The following SCAI variants were observed in gnomAD, a reference collection of about 807,000 sequenced individuals.
SCAI encodes suppressor of cancer cell invasion, also known as protein SCAI.
SCAI carries 24 observed loss-of-function variants against 92.2 expected under a neutral mutation model. The ratio of observed to expected loss-of-function variants is 0.26; its 90% CI spans 0.19 to 0.37. SCAI has a LOEUF of 0.37. Among genes scored for constraint, SCAI ranks in the 10% least tolerant of loss-of-function variants. SCAI has a pLI of 1.00. For synonymous variants in SCAI, 261 were observed against 258.6 expected, an observed-to-expected ratio of 1.01 and a Z score of -0.09; for missense variants, 450 against 736.2, an observed-to-expected ratio of 0.61 and a Z score of 4.50.
chr9:125,130,540 A>T (rs1340921450), intron 2 of SCAI, among the ~76,000 whole-genome samples: 1 of 151,896 alleles, frequency 6.6e-6, no homozygotes, highest in South Asian at 2.1e-4. Flanking sequence ...TTTGAGATGG[A>T]GTCTGGCTCT....
At chr9:125,054,161 G>C (rs1833617996) in intron 3 of SCAI, among the ~76,000 whole-genome samples, 1 of 152,082 alleles carries the variant, frequency 6.6e-6, no homozygotes, top group African/African-American at 2.4e-5. Context: ...GTTTTGTAGA[G>C]ACGAGGTTTC....
At chr9:125,128,731 C>T (rs1481242881) in intron 2 of SCAI, among the ~76,000 whole-genome samples, 1 of 149,804 alleles carries the variant, frequency 6.7e-6, no homozygotes, top group African/African-American at 2.5e-5. Flanking sequence ...CCAGCCTGGG[C>T]GACAGAGCGA....
chr9:124,997,581 G>C (rs1361724792), intron 13 of SCAI, among the ~76,000 whole-genome samples: 1 of 151,978 alleles, frequency 6.6e-6, no homozygotes, highest in East Asian at 1.9e-4. Flanking sequence ...GTTATGCTTA[G>C]AAAAAGAATG....
At chr9:124,997,549 T>A (rs547974459) in intron 13 of SCAI, among the ~76,000 whole-genome samples, 1 of 152,226 alleles carries the variant, frequency 6.6e-6, no homozygotes, top group Non-Finnish European at 1.5e-5. Context: ...AATGAGCCAA[T>A]AACAGCCCAA....
At chr9:125,140,421 G>A (rs950489129) in intron 2 of SCAI, among the ~76,000 whole-genome samples, 7 of 151,958 alleles carry the variant, frequency 4.6e-5, no homozygotes, top group Admixed American at 1.3e-4. Context: ...CCAGCTAATC[G>A]GGAGGCTGAG....
chr9:125,121,538 A>T (rs565205940), intron 2 of SCAI, among the ~76,000 whole-genome samples: 5 of 152,124 alleles, frequency 3.3e-5, no homozygotes, highest in African/African-American at 1.2e-4. Flanking sequence ...ATTTTCAAAC[A>T]TAAGAACCTT....
chr9:125,018,949 C>T lies in SCAI; in HGVS notation c.711G>A (p.Ala237=), dbSNP rs371090280. ...VLQEVAAFIE[A]DPVMVLNDDN... ...CATCATTTAATACCATTACAGGATC[C>T]GCCTAAAGAAAAAAGCAATAAGAAC... The change falls in exon 9 of 18, where the codon GCG becomes GCA. Residue 237 remains alanine, a splice_region_variant and synonymous_variant. Coordinates refer to ENST00000336505, the MANE Select transcript of SCAI (RefSeq NM_001144877.3). The T allele has an allele frequency of 9.3e-6, 15 of 1,609,440 alleles. No homozygotes were observed. Among genetic ancestry groups the T allele is most frequent in the East Asian group, 4.5e-5 (2 of 44,820 alleles).
At position 124,994,993 on chromosome 9, in the gene SCAI, G is replaced by C; in HGVS notation, c.1267C>G (p.Pro423Ala). The change falls in exon 14 of 18, where the codon CCT becomes GCT. Residue 423 changes from proline to alanine, a missense_variant. Around this residue, in one of 3 missense-constraint regions of SCAI, gnomAD observed 360 missense variants for 601.8 expected, o/e 0.60. Coordinates refer to ENST00000336505, the MANE Select transcript of SCAI (RefSeq NM_001144877.3). ...ATGAACAGTGGCTTCCTGGTGAAAGGATAGAGATCCCCGGGATGAAGGCTG... is the reference window on the plus strand; with the variant it reads ...ATGAACAGTGGCTTCCTGGTGAAAGCATAGAGATCCCCGGGATGAAGGCTG... ...MHCLHPGDLY[P>A]FTRKPLFIIV... 6.2e-7 allele frequency: 1 copy of C among 1,612,162 alleles called. No individual in the cohort carries two copies. Among genetic ancestry groups the C allele is most frequent in the Non-Finnish European group, 8.5e-7 (1 of 1,179,190 alleles).
At chr9:125,116,641 A>C (rs1423587974) in intron 2 of SCAI, among the ~76,000 whole-genome samples, 1 of 152,084 alleles carries the variant, frequency 6.6e-6, no homozygotes, top group South Asian at 2.1e-4. Flanking sequence ...GACAAAACCC[A>C]CCAATAATAT....
At chr9:125,118,861 C>T (rs913981919) in intron 2 of SCAI, among the ~76,000 whole-genome samples, 4 of 152,150 alleles carry the variant, frequency 2.6e-5, no homozygotes, top group African/African-American at 9.7e-5. Context: ...TTATCCATGT[C>T]CCTGCAAAGG....
chr9:125,043,972 G>A (rs1833383770), intron 3 of SCAI, among the ~76,000 whole-genome samples: 3 of 152,246 alleles, frequency 2.0e-5, no homozygotes, highest in South Asian at 4.1e-4. Flanking sequence ...GCTTCCCTGT[G>A]TTCTCAGGGT....
At chr9:125,034,649 T>G (rs1237133248) in intron 3 of SCAI, among the ~76,000 whole-genome samples, 4 of 152,192 alleles carry the variant, frequency 2.6e-5, no homozygotes, top group African/African-American at 9.7e-5. Context: ...TTCAGGAGGC[T>G]GAGACGGGAG....
intron 17 of SCAI, among the ~76,000 whole-genome samples, chr9:124,967,998 T>C (rs1178982282): frequency 6.6e-6 from 1 of 152,246 alleles, no homozygotes; most frequent in African/African-American, 2.4e-5. Flanking sequence ...TTCCTTCTTA[T>C]TCTTTTGCTT....
intron 2 of SCAI, among the ~76,000 whole-genome samples, chr9:125,137,395 A>G (rs1835562002): frequency 6.6e-6 from 1 of 152,142 alleles, no homozygotes; most frequent in Non-Finnish European, 1.5e-5. Flanking sequence ...AATTCAATAA[A>G]CTGTTCTCTA....
chr9:125,018,361 G>A (rs1301536017), intron 9 of SCAI, among the ~76,000 whole-genome samples: 1 of 152,094 alleles, frequency 6.6e-6, no homozygotes, highest in African/African-American at 2.4e-5. Flanking sequence ...TTCCCAAAGT[G>A]CTGAGATTCC....
chr9:125,126,850 C>T (rs563835582), intron 2 of SCAI, among the ~76,000 whole-genome samples: 1 of 152,264 alleles, frequency 6.6e-6, no homozygotes, highest in East Asian at 1.9e-4. Context: ...GTTATTAAGA[C>T]ATCAATGGAT....
rs1831105375 is a variant in SCAI, at chr9:124,944,274, TC to T, written c.*8532del. 1 of 151,754 alleles carries T rather than the reference TC, an allele frequency of 6.6e-6. No homozygotes were observed. The allele number at this position is 151,754 out of a possible 1,614,324, so 9.4% of individuals were successfully genotyped here. On this transcript the variant is annotated 3_prime_UTR_variant, in exon 18 of 18. Coordinates refer to ENST00000336505, the MANE Select transcript of SCAI (RefSeq NM_001144877.3). ...ACAGTAACAAGTTAACAAAAACCATTCTTCAGGAAATAGTAATAAAAATTCC... is the reference window on the plus strand; with the variant it reads ...ACAGTAACAAGTTAACAAAAACCATTTTCAGGAAATAGTAATAAAAATTCC...
intron 15 of SCAI, among the ~76,000 whole-genome samples, chr9:124,972,340 A>G (rs767622882): frequency 1.3e-5 from 2 of 152,168 alleles, no homozygotes; most frequent in Non-Finnish European, 2.9e-5. Context: ...CTAATTCTCT[A>G]TCAGCAGCCT....
chr9:125,070,294 G>A (rs1319547861), intron 2 of SCAI, among the ~76,000 whole-genome samples: 1 of 151,832 alleles, frequency 6.6e-6, no homozygotes, highest in Non-Finnish European at 1.5e-5. Flanking sequence ...ACAAATGACA[G>A]AGCTCTAAAA....
Sources: allele counts gnomAD v4.1 joint callset (sites outside exome capture counted in the v4.1 genomes callset), GRCh38; gene constraint gnomAD v4.1.1; regional missense constraint gnomAD v4.1.1; transcripts MANE v1.5; gene names NCBI Gene and HGNC (gene_info 2026-07-23, HGNC 2026-07-21).